ACTR3C: variants seen among roughly 807,000 people sequenced by gnomAD.
ACTR3C encodes the protein actin related protein 3C, also known as actin-related protein 3C.
ACTR3C carries 18 observed loss-of-function variants against 26.3 expected under a neutral mutation model. That is an observed-to-expected ratio of 0.68 (90% CI 0.47 to 1.01). The LOEUF is 1.01. ACTR3C is among the 50% of genes least tolerant of loss of function. ACTR3C has a pLI of 0.00. For synonymous variants in ACTR3C, 55 were observed against 94.5 expected, an observed-to-expected ratio of 0.58 and a Z score of 2.42; for missense variants, 184 against 250.7, an observed-to-expected ratio of 0.73 and a Z score of 1.80.
the ACTR3C span, among the ~76,000 whole-genome samples, chr7:150,066,965 G>C: frequency 6.6e-6 from 1 of 152,192 alleles, no homozygotes; most frequent in Non-Finnish European, 1.5e-5. Flanking sequence ...GATTGTGAAG[G>C]GTCCTCTTCT....
the ACTR3C span, among the ~76,000 whole-genome samples, chr7:150,105,305 A>G: frequency 0.01 from 1,518 of 151,736 alleles, 35 homozygotes; most frequent in African/African-American, 0.033. Context: ...GATGGTCTCA[A>G]TCTCCTGACC....
At chr7:150,273,067 A>G (rs1397948842) in intron 6 of ACTR3C, among the ~76,000 whole-genome samples, 1 of 146,182 alleles carries the variant, frequency 6.8e-6, no homozygotes, top group Non-Finnish European at 1.5e-5. Context: ...AGATGTCATA[A>G]ATAATAACAT....
chr7:150,041,750 A>AG, the ACTR3C span, among the ~76,000 whole-genome samples: 510 of 33,978 alleles, frequency 0.015, 6 homozygotes, highest in African/African-American at 0.044. Flanking sequence ...CCTAAGAGCC[A>AG]GGGGGGGGAA....
the ACTR3C span, among the ~76,000 whole-genome samples, chr7:150,191,183 AT>A: frequency 6.6e-6 from 1 of 152,170 alleles, no homozygotes; most frequent in Admixed American, 6.5e-5. Context: ...TTCCTTTCCA[AT>A]TTTGTGGGTA....
At chr7:150,059,233 C>T in the ACTR3C span, among the ~76,000 whole-genome samples, 1 of 152,186 alleles carries the variant, frequency 6.6e-6, no homozygotes, top group Admixed American at 6.5e-5. Context: ...TATTTAAGCA[C>T]AGAGCTCCCG....
chr7:150,047,258 G>GC, the ACTR3C span, among the ~76,000 whole-genome samples: 1 of 152,058 alleles, frequency 6.6e-6, no homozygotes, highest in African/African-American at 2.4e-5. Context: ...GTAAGCACAG[G>GC]CCGATCGAAT....
chr7:150,109,453 A>G, the ACTR3C span, among the ~76,000 whole-genome samples: 4 of 151,856 alleles, frequency 2.6e-5, no homozygotes, highest in African/African-American at 9.7e-5. Context: ...GAGGCAGGCC[A>G]GAGTCATGGC....
the ACTR3C span, among the ~76,000 whole-genome samples, chr7:150,192,893 G>T: frequency 0.016 from 2,440 of 152,278 alleles, 74 homozygotes; most frequent in African/African-American, 0.055. Flanking sequence ...CTAGAATCAT[G>T]AAGTTTTACT....
the ACTR3C span, among the ~76,000 whole-genome samples, chr7:150,105,090 T>C: frequency 2.5e-4 from 38 of 150,848 alleles, 1 homozygote; most frequent in Non-Finnish European, 5.6e-4. Context: ...TTTTTCTTTT[T>C]TTTTTTTTTT....
chr7:150,064,813 T>G, the ACTR3C span, among the ~76,000 whole-genome samples: 1 of 152,000 alleles, frequency 6.6e-6, no homozygotes, highest in African/African-American at 2.4e-5. Flanking sequence ...CCAAGGTCTC[T>G]AATATCAAGG....
At chr7:150,240,251 C>T (rs1037552805), downstream of ACTR3C, among the ~76,000 whole-genome samples, 1 of 152,192 alleles carries the variant, frequency 6.6e-6, no homozygotes, top group African/African-American at 2.4e-5. Flanking sequence ...GTTAAGTGCA[C>T]TCACAATGTT....
At chr7:149,996,199 C>A in the ACTR3C span, among the ~76,000 whole-genome samples, 1 of 152,136 alleles carries the variant, frequency 6.6e-6, no homozygotes, top group Non-Finnish European at 1.5e-5. Flanking sequence ...GGTCTTGCCC[C>A]GAGTGTGGCT....
At chr7:150,252,975 G>T (rs886502630) in intron 6 of ACTR3C, among the ~76,000 whole-genome samples, 1 of 151,346 alleles carries the variant, frequency 6.6e-6, no homozygotes, top group South Asian at 2.1e-4. Flanking sequence ...ATTCTGCAGC[G>T]GTAAGCCCTT....
chr7:150,156,503 G>A, the ACTR3C span, among the ~76,000 whole-genome samples: 2 of 151,866 alleles, frequency 1.3e-5, no homozygotes, highest in Non-Finnish European at 2.9e-5. Flanking sequence ...AAGAACTATC[G>A]AGCATGTGCC....
the ACTR3C span, among the ~76,000 whole-genome samples, chr7:149,931,884 A>C: frequency 6.6e-6 from 1 of 152,252 alleles, no homozygotes; most frequent in Non-Finnish European, 1.5e-5. Flanking sequence ...AGGAAGCTCC[A>C]ATATTTTCAA....
the ACTR3C span, among the ~76,000 whole-genome samples, chr7:150,126,233 T>C: frequency 2.6e-5 from 4 of 152,216 alleles, no homozygotes; most frequent in Admixed American, 2.6e-4. Flanking sequence ...TTCTCTCGCT[T>C]AAGTTAACTG....
chr7:150,087,994 G>C, the ACTR3C span, among the ~76,000 whole-genome samples: 1 of 152,154 alleles, frequency 6.6e-6, no homozygotes, highest in Non-Finnish European at 1.5e-5. Flanking sequence ...TAAATGAAAA[G>C]GTATACTTGG....
chr7:150,088,646 T>C, the ACTR3C span, among the ~76,000 whole-genome samples: 7 of 152,366 alleles, frequency 4.6e-5, no homozygotes, highest in African/African-American at 1.7e-4. Flanking sequence ...ATATTACATA[T>C]GAAAGTGCTT....
At chr7:150,294,505 G>T (rs1836567832) in intron 2 of ACTR3C, among the ~76,000 whole-genome samples, 1 of 152,252 alleles carries the variant, frequency 6.6e-6, no homozygotes, top group Non-Finnish European at 1.5e-5. Flanking sequence ...CCAGGGGGAA[G>T]ATCTGTAGTT....
Sources: gnomAD v4.1 joint callset for allele counts (sites outside exome capture counted in the v4.1 genomes callset) on GRCh38, gnomAD v4.1.1 for gene constraint, MANE v1.5 for transcripts, NCBI Gene and HGNC (gene_info 2026-07-23, HGNC 2026-07-21) for gene names.